Variants in NAA40 observed in about 807,000 individuals in gnomAD.
NAA40 encodes N-alpha-acetyltransferase 40.
Under a neutral mutation model 36.6 loss-of-function variants are expected in NAA40, and 26 were observed. That is an observed-to-expected ratio of 0.71 (90% CI 0.52 to 0.98). NAA40 has a LOEUF of 0.98. NAA40 is among the 50% of genes least tolerant of loss of function. The probability of loss-of-function intolerance (pLI) is 0.00; values close to 1 mark genes in which losing one functional copy is unlikely to be tolerated. For missense variants in NAA40, 237 were observed against 306.5 expected, an observed-to-expected ratio of 0.77 and a Z score of 1.69; for synonymous variants, 129 against 108.4, an observed-to-expected ratio of 1.19 and a Z score of -1.18.
At chr11:63,939,298 C>T (rs1387862684) in intron 1 of NAA40, 196 bp downstream of exon 1, 2 of 1,276,202 alleles carry the variant, frequency 1.6e-6, no homozygotes, top group Non-Finnish European at 2.0e-6. Flanking sequence ...CTGGAGAGCC[C>T]CTGGTCCGGG....
At position 63,945,852 on chromosome 11, in the gene NAA40, A is replaced by G. The variant is rs936318741; in HGVS notation, c.19A>G (p.Lys7Glu). 1.2e-6 allele frequency: 2 copies of G among 1,614,082 alleles called. No homozygotes were observed. The highest frequency in any genetic ancestry group is 2.7e-5 in the African/African-American group (2 of 74,932). The stretch of plus-strand genomic sequence containing the variant: ...TTCCCTGTTGCAGAGAAAGTCAAGC[A>G]AAGCCAAGGAGAAGAAGCAGAAGCG... The part of the protein sequence containing the change: MGRKSS[K>E]AKEKKQKRLE... Residue 7 changes from lysine (K) to glutamate (E), a missense_variant, in exon 2 of 8, where the codon AAA becomes GAA. Lys to Glu is a moderately conservative substitution (Grantham distance 56). Coordinates refer to ENST00000377793, the MANE Select transcript of NAA40 (RefSeq NM_024771.4).
intron 5 of NAA40, 38 bp downstream of exon 5, chr11:63,952,603 C>T (rs781493922): frequency 6.2e-7 from 1 of 1,609,942 alleles, no homozygotes; most frequent in Non-Finnish European, 8.5e-7. Flanking sequence ...GGGAGAGAGA[C>T]CCTGGCGATG....
intron 1 of NAA40, among the ~76,000 whole-genome samples, chr11:63,942,307 A>G (rs1942121277): frequency 6.6e-6 from 1 of 152,236 alleles, no homozygotes; most frequent in Non-Finnish European, 1.5e-5. Context: ...TGTGAAAAGT[A>G]AAATAGATCA....
intron 3 of NAA40, among the ~76,000 whole-genome samples, chr11:63,951,049 A>T (rs1942271745): frequency 6.6e-6 from 1 of 152,160 alleles, no homozygotes; most frequent in South Asian, 2.1e-4. Flanking sequence ...CTGAATTCAT[A>T]AGGCTGAGTG....
At chr11:63,952,598 A>C in intron 5 of NAA40, 33 bp downstream of exon 5, 1 of 1,610,538 alleles carries the variant, frequency 6.2e-7, no homozygotes, top group Non-Finnish European at 8.5e-7. Flanking sequence ...GGTAGGGGAG[A>C]GAGACCCTGG....
chr11:63,939,725 T>A (rs1942075577), intron 1 of NAA40, among the ~76,000 whole-genome samples: 2 of 152,140 alleles, frequency 1.3e-5, no homozygotes, highest in Admixed American at 6.6e-5. Flanking sequence ...GCCTCCTGGT[T>A]GCAATGAAAT....
intron 1 of NAA40, among the ~76,000 whole-genome samples, chr11:63,940,349 A>G (rs547296127): frequency 2.4e-4 from 36 of 152,274 alleles, no homozygotes; most frequent in Non-Finnish European, 4.1e-4. Context: ...ACACAGGCCT[A>G]TATTAGTATT....
rs1942378865 is a variant in NAA40 at position 63,957,092 on chromosome 11, C to T, written c.*2613C>T. The T allele has an allele frequency of 6.6e-6, 1 of 151,100 alleles. No individual in the cohort carries two copies. 9.4% of individuals were successfully genotyped at this position (151,100 alleles called of 1,614,324 possible). On this transcript the variant is annotated 3_prime_UTR_variant, in exon 8 of 8. Coordinates refer to ENST00000377793, the MANE Select transcript of NAA40 (RefSeq NM_024771.4). ...TTTTAAAATTTTAGTTATATCCACC[C>T]TATTTCAGGTTATTTTTGTTGGTGT...
intron 1 of NAA40, among the ~76,000 whole-genome samples, chr11:63,944,872 C>T (rs936041347): frequency 7.1e-6 from 1 of 140,182 alleles, no homozygotes; most frequent in African/African-American, 2.7e-5. Flanking sequence ...CACTGCATTC[C>T]AGCTTGGGTG....
At position 63,950,683 on chromosome 11, in the gene NAA40, C is replaced by T. The variant is rs188732462; in HGVS notation, c.156-1555C>T. On this transcript the variant is annotated intron_variant, in intron 3 of 7. Coordinates refer to ENST00000377793, the MANE Select transcript of NAA40 (RefSeq NM_024771.4). ...TTCACTATGTTGGCCAGGCTAGTCT[C>T]GAACTCCTGACCTCATGATCCGCCC... Among the ~76,000 whole-genome samples, 1,368 of 151,862 alleles carry T rather than the reference C, an allele frequency of 9.0e-3. 30 individuals are homozygous for T. The highest frequency in any genetic ancestry group is 0.031 in the African/African-American group (1,304 of 41,408).
chr11:63,941,897 G>T (rs924018499), intron 1 of NAA40, among the ~76,000 whole-genome samples: 1 of 152,090 alleles, frequency 6.6e-6, no homozygotes, highest in Non-Finnish European at 1.5e-5. Flanking sequence ...CCTTCCAGTC[G>T]TAGAACTGTG....
intron 1 of NAA40, among the ~76,000 whole-genome samples, chr11:63,944,997 A>G (rs1048818738): frequency 2.6e-5 from 4 of 151,862 alleles, no homozygotes; most frequent in African/African-American, 9.7e-5. Flanking sequence ...CTGGCTTTTC[A>G]CAATAGGGTG....
At chr11:63,948,685 T>C (rs1023853613) in intron 3 of NAA40, among the ~76,000 whole-genome samples, 15 of 152,138 alleles carry the variant, frequency 9.9e-5, no homozygotes, top group Admixed American at 2.6e-4. Flanking sequence ...GCCATTGCAC[T>C]CCAGCCTGGG....
At chr11:63,952,869 T>G in intron 6 of NAA40, 30 bp downstream of exon 6, 2 of 1,591,062 alleles carry the variant, frequency 1.3e-6, no homozygotes, top group Non-Finnish European at 1.7e-6. Flanking sequence ...GAGGCCCATA[T>G]AGCACTCAGT....
At position 63,945,909 on chromosome 11, in the gene NAA40, T is replaced by A. The variant is rs2134270905; in HGVS notation, c.76T>A (p.Cys26Ser). Residue 26 changes from cysteine to serine, a missense_variant, in exon 2 of 8, where the codon TGT (cysteine) becomes AGT (serine). Physicochemically the swap from Cys to Ser is moderately radical, Grantham distance 112. Transcript: ENST00000377793. Reference protein sequence around the residue: ...LEERAAMDAVCAKVDAANRLG... With the variant: ...LEERAAMDAVSAKVDAANRLG... ...GGAGCGAGCAGCCATGGATGCCGTTTGTGCCAAAGTGGACGCTGCCAACAG... is the reference window on the plus strand; with the variant it reads ...GGAGCGAGCAGCCATGGATGCCGTTAGTGCCAAAGTGGACGCTGCCAACAG... The A allele has an allele frequency of 5.6e-6, 9 of 1,614,202 alleles. No individual in the cohort carries two copies. The highest frequency in any genetic ancestry group is 7.6e-6 in the Non-Finnish European group (9 of 1,180,020).
At chr11:63,949,307 T>C (rs1020473156) in intron 3 of NAA40, among the ~76,000 whole-genome samples, 2 of 152,204 alleles carry the variant, frequency 1.3e-5, no homozygotes, top group African/African-American at 4.8e-5. Context: ...AGATAAGTGT[T>C]TGCTGTTATT....
Position 63,954,341 on chromosome 11 carries a change from T to C in NAA40, c.576T>C (p.Phe192=). 6.3e-7 allele frequency: 1 copy of C among 1,587,494 alleles called. No homozygotes were observed. Among genetic ancestry groups the C allele is most frequent in the South Asian group, 1.1e-5 (1 of 87,086 alleles). ...AYQFFREALQ[F]EIDDSSPSMS... ...TTTTCTCCTGCCTGCCTTGCAGATT[T>C]GAAATTGATGACTCTTCCCCCAGCA... The change falls in exon 8 of 8, where the codon TTT becomes TTC. Residue 192 remains phenylalanine (F), a synonymous_variant. Transcript: ENST00000377793.
chr11:63,952,005 A>G, intron 3 of NAA40: 1 of 518,116 alleles, frequency 1.9e-6, no homozygotes, highest in Non-Finnish European at 3.4e-6. Context: ...TTGGGGAGGC[A>G]GGAAACGGGC....
chr11:63,950,688 T>G (rs1163139368), intron 3 of NAA40, among the ~76,000 whole-genome samples: 1 of 151,590 alleles, frequency 6.6e-6, no homozygotes, highest in Non-Finnish European at 1.5e-5. Flanking sequence ...AGTCTCGAAC[T>G]CCTGACCTCA....
Sources: gnomAD v4.1 joint callset for allele counts (sites outside exome capture counted in the v4.1 genomes callset) on GRCh38, gnomAD v4.1.1 for gene constraint, MANE v1.5 for transcripts, NCBI Gene and HGNC (gene_info 2026-07-23, HGNC 2026-07-21) for gene names.